Variants in CACYBP observed in about 807,000 individuals in gnomAD.
CACYBP encodes the protein calcyclin-binding protein.
Under a neutral mutation model 29.6 loss-of-function variants are expected in CACYBP, and 11 were observed. The observed-to-expected ratio is 0.37, with a 90% CI of 0.23 to 0.61. The LOEUF (loss-of-function observed/expected upper bound fraction) is 0.61. Ranked by LOEUF, CACYBP falls within the 20% of genes least tolerant of loss-of-function variation. The pLI, the probability that CACYBP is intolerant of heterozygous loss-of-function variation, is 0.65. For missense variants in CACYBP, 163 were observed against 260.7 expected (o/e 0.63, Z 2.58); for synonymous variants, 73 against 88.3 (o/e 0.83, Z 0.97).
intron 1 of CACYBP, among the ~76,000 whole-genome samples, chr1:175,004,032 C>A (rs1672556685): frequency 6.6e-6 from 1 of 152,058 alleles, no homozygotes; most frequent in Non-Finnish European, 1.5e-5. Context: ...CAAGACTTTT[C>A]CTCAAAAGCA....
chr1:175,000,585 G>C, intron 1 of CACYBP: 1 of 1,115,502 alleles, frequency 9.0e-7, no homozygotes, highest in South Asian at 2.4e-5. Context: ...GTTCTTGGTA[G>C]AGGGCGGTTG....
intron 1 of CACYBP, chr1:175,000,690 C>G: frequency 1.2e-6 from 1 of 821,706 alleles, no homozygotes; most frequent in Non-Finnish European, 1.5e-6. Flanking sequence ...TGTTTAGCTT[C>G]TCTGTGTCGC....
At chr1:175,000,305 C>T (rs1282015554) in intron 1 of CACYBP, 110 bp downstream of exon 1, 3 of 1,504,710 alleles carry the variant, frequency 2.0e-6, no homozygotes, top group Non-Finnish European at 2.7e-6. Flanking sequence ...CCACCCGGTC[C>T]CGCGCCAGTC....
chr1:175,007,467 G>A (rs936655705), intron 4 of CACYBP, among the ~76,000 whole-genome samples: 4 of 152,172 alleles, frequency 2.6e-5, no homozygotes, highest in Non-Finnish European at 5.9e-5. Flanking sequence ...CCTCGACAGA[G>A]AACATTTGCC....
rs1161545619 is a variant in CACYBP, at chr1:175,007,190, C to CA, written c.432dup (p.Val145SerfsTer4). 3.1e-6 allele frequency: 5 copies of CA among 1,594,398 alleles called. No homozygotes were observed. The highest frequency in any genetic ancestry group is 2.7e-5 in the African/African-American group (2 of 74,096). ...AAACCCATCTCTGTGGAAGGCAGTT[C>CA]AAAAAAAGTGAGTGTGCTTTTTTTG... On this transcript the variant is annotated frameshift_variant, in exon 4 of 6. Transcript: ENST00000367679. LOFTEE classifies it high-confidence loss of function.
chr1:175,009,297 A>T (rs1672689222), intron 5 of CACYBP, among the ~76,000 whole-genome samples: 1 of 152,148 alleles, frequency 6.6e-6, no homozygotes, highest in Admixed American at 6.5e-5. Flanking sequence ...ATGAGGAAAC[A>T]TGCTTTTAAA....
At chr1:175,000,458 G>A (rs1408462590) in intron 1 of CACYBP, 15 of 1,373,548 alleles carry the variant, frequency 1.1e-5, no homozygotes, top group Non-Finnish European at 1.4e-5. Flanking sequence ...GCGGTGCGGG[G>A]AGTGGGTCTG....
At position 175,010,270 on chromosome 1, in the gene CACYBP, G is replaced by C; in HGVS notation, c.*191G>C. On this transcript the variant is annotated 3_prime_UTR_variant, in exon 6 of 6. Coordinates refer to ENST00000367679, the MANE Select transcript of CACYBP (RefSeq NM_014412.3). ...TAAAATATGCTTATTAAACACTCCT[G>C]CAAAGATGGTTTTATTAGTACCCTG... 2.2e-6 allele frequency: 1 copy of C among 455,734 alleles called. No homozygotes were observed. The highest frequency in any genetic ancestry group is 3.9e-6 in the Non-Finnish European group (1 of 257,086). 28.2% of individuals were successfully genotyped at this position (455,734 alleles called of 1,614,324 possible).
chr1:175,008,922 A>G, intron 5 of CACYBP: 1 of 472,456 alleles, frequency 2.1e-6, no homozygotes, highest in Non-Finnish European at 3.8e-6. Flanking sequence ...TTCTATACAA[A>G]TAACTGTGCC....
chr1:175,007,215 G>A lies in CACYBP; in HGVS notation c.432+18G>A, dbSNP rs1313294817. 2.1e-6 allele frequency: 3 copies of A among 1,457,876 alleles called. No homozygotes were observed. The East Asian group carries it at 6.8e-5, about 33-fold the overall frequency. The allele number at this position is 1,457,876 out of a possible 1,614,324, so 90.3% of individuals were successfully genotyped here. Reference sequence around the variant, plus strand: ...CAAAAAAAGTGAGTGTGCTTTTTTTGATTGTAATATTGTGAAACCTTACCA... The same window carrying A: ...CAAAAAAAGTGAGTGTGCTTTTTTTAATTGTAATATTGTGAAACCTTACCA... On this transcript the variant is annotated intron_variant, in intron 4 of 5. Transcript: ENST00000367679.
At chr1:175,000,386 C>G (rs1672441560) in intron 1 of CACYBP, 191 bp downstream of exon 1, 2 of 1,418,242 alleles carry the variant, frequency 1.4e-6, no homozygotes, top group Non-Finnish European at 1.8e-6. Flanking sequence ...CGCTTCCACT[C>G]GACCTCGCAC....
chr1:175,000,374 A>C, intron 1 of CACYBP, 179 bp downstream of exon 1: 3 of 1,422,650 alleles, frequency 2.1e-6, no homozygotes, highest in Non-Finnish European at 2.8e-6. Context: ...TCGGCTCCCC[A>C]GCGCTTCCAC....
At position 175,000,547 on chromosome 1, in the gene CACYBP, A is replaced by G. The variant is rs1672449221; in HGVS notation, c.15+352A>G. The G allele has an allele frequency of 7.5e-6, 9 of 1,195,170 alleles. 1 individual carries two copies. In the South Asian group the frequency reaches 1.6e-4, roughly 21 times the overall value. The allele number at this position is 1,195,170 out of a possible 1,614,324, so 74.0% of individuals were successfully genotyped here. Reference sequence around the variant, plus strand: ...GCCAGTGGACAGGAAGCTTCATTCAAGCAAAGCTGGGTGCAAACATGAGTG... The same window carrying G: ...GCCAGTGGACAGGAAGCTTCATTCAGGCAAAGCTGGGTGCAAACATGAGTG... On this transcript the variant is annotated intron_variant, in intron 1 of 5. Transcript: ENST00000367679.
rs914542752 is a variant in CACYBP at position 175,010,316 on chromosome 1, G to A, written c.*237G>A. ...CCCTGGTCATTTTGTTCAAGGAAGG[G>A]TTATATTGCATTCTCACGTGAAATA... On this transcript the variant is annotated 3_prime_UTR_variant, in exon 6 of 6. Coordinates refer to ENST00000367679, the MANE Select transcript of CACYBP (RefSeq NM_014412.3). The A allele has an allele frequency of 9.4e-6, 3 of 319,558 alleles. No individual in the cohort carries two copies. In the South Asian group the frequency reaches 3.0e-4, roughly 32 times the overall value. The allele number at this position is 319,558 out of a possible 1,614,324, so 19.8% of individuals were successfully genotyped here. A position where few individuals can be genotyped will look rare whatever the true frequency, so the allele number is the denominator to read the frequency against.
chr1:175,000,049 G>T lies in CACYBP; in HGVS notation c.-132G>T. On this transcript the variant is annotated 5_prime_UTR_variant, in exon 1 of 6. Transcript: ENST00000367679. ...CGGGCCGCGATCTTGCGCAGGGTCG[G>T]TGTGGGCGCAGGCTGCAGCGCCGCG... 7.7e-7 allele frequency: 1 copy of T among 1,298,130 alleles called. No homozygotes were observed. The highest frequency in any genetic ancestry group is 1.1e-6 in the Non-Finnish European group (1 of 921,152). The allele number at this position is 1,298,130 out of a possible 1,614,324, so 80.4% of individuals were successfully genotyped here. A position where few individuals can be genotyped will look rare whatever the true frequency, so the allele number is the denominator to read the frequency against.
At chr1:175,000,334 G>C in intron 1 of CACYBP, 139 bp downstream of exon 1, 1 of 1,460,732 alleles carries the variant, frequency 6.8e-7, no homozygotes, top group Non-Finnish European at 9.1e-7. Context: ...GCCTTCCCGG[G>C]GGACACCTCA....
At chr1:175,009,902 G>A (rs367883295) in intron 5 of CACYBP, 21 bp from the exon 6 acceptor site, 24 of 1,593,278 alleles carry the variant, frequency 1.5e-5, no homozygotes, top group Middle Eastern at 1.7e-4. Context: ...CCCCATTGTT[G>A]TATATGTTTT....
Position 175,010,987 on chromosome 1 carries a change from C to T in CACYBP, c.*908C>T, listed in dbSNP as rs1672736267. The T allele has an allele frequency of 6.6e-6, 1 of 151,866 alleles. No homozygotes were observed. Among genetic ancestry groups the T allele is most frequent in the Admixed American group, 6.6e-5 (1 of 15,238 alleles). The allele number at this position is 151,866 out of a possible 1,614,324, so 9.4% of individuals were successfully genotyped here. A position where few individuals can be genotyped will look rare whatever the true frequency, so the allele number is the denominator to read the frequency against. On this transcript the variant is annotated 3_prime_UTR_variant, in exon 6 of 6. Coordinates refer to ENST00000367679, the MANE Select transcript of CACYBP (RefSeq NM_014412.3). Reference sequence around the variant, plus strand: ...TTGAAGCCAGGCATGAAGGCTGGCGCCCGTAATCCCAGCTACTAAGGCTGG... The same window carrying T: ...TTGAAGCCAGGCATGAAGGCTGGCGTCCGTAATCCCAGCTACTAAGGCTGG...
chr1:175,006,736 C>G lies in CACYBP; in HGVS notation c.236-9C>G, dbSNP rs368385861. Reference sequence around the variant, plus strand: ...TTACTTACGTCCCATCTTTTGTTGTCGTTGCCAGGATGGGATCAGTCAGAT... The same window carrying G: ...TTACTTACGTCCCATCTTTTGTTGTGGTTGCCAGGATGGGATCAGTCAGAT... On this transcript the variant is annotated splice_polypyrimidine_tract_variant and intron_variant, in intron 2 of 5. Transcript: ENST00000367679. 2.7e-6 allele frequency: 4 copies of G among 1,505,806 alleles called. No individual in the cohort carries two copies. The highest frequency in any genetic ancestry group is 3.7e-6 in the Non-Finnish European group (4 of 1,084,372). The allele number at this position is 1,505,806 out of a possible 1,614,324, so 93.3% of individuals were successfully genotyped here.
Sources: gnomAD v4.1 joint callset for allele counts (sites outside exome capture counted in the v4.1 genomes callset) on GRCh38, gnomAD v4.1.1 for gene constraint, MANE v1.5 for transcripts, NCBI Gene and HGNC (gene_info 2026-07-23, HGNC 2026-07-21) for gene names.